Variants in ZNF827 observed in about 807,000 individuals in gnomAD.
ZNF827 encodes zinc finger protein 827.
A neutral mutation model predicts 102.4 loss-of-function variants in ZNF827; 13 were observed. The ratio of observed to expected loss-of-function variants is 0.13; its 90% CI spans 0.08 to 0.20. The LOEUF (loss-of-function observed/expected upper bound fraction) is 0.20, where lower values mean the gene tolerates loss of function less well. Ranked by LOEUF, ZNF827 falls within the 10% of genes least tolerant of loss-of-function variation. ZNF827 has a pLI of 1.00. For missense variants in ZNF827, 1,103 were observed against 1,344.4 expected (o/e 0.82, Z 2.81); for synonymous variants, 523 against 536.2 (o/e 0.98, Z 0.34).
intron 7 of ZNF827, among the ~76,000 whole-genome samples, chr4:145,827,725 G>A (rs1221599665): frequency 6.6e-6 from 1 of 152,296 alleles, no homozygotes; most frequent in East Asian, 1.9e-4. Context: ...AACTAAACTT[G>A]CAGCATGCCC....
At chr4:145,920,331 C>T (rs574866558) in intron 1 of ZNF827, among the ~76,000 whole-genome samples, 2 of 152,304 alleles carry the variant, frequency 1.3e-5, no homozygotes, top group East Asian at 3.9e-4. Flanking sequence ...GGTCTTGGCA[C>T]AGTTTGAGGA....
intron 1 of ZNF827, among the ~76,000 whole-genome samples, chr4:145,910,484 C>T (rs547874364): frequency 8.5e-5 from 13 of 152,242 alleles, no homozygotes; most frequent in African/African-American, 2.9e-4. Context: ...AATTCATTCT[C>T]GGATTCCGTT....
chr4:145,775,373 A>G (rs1172093052), intron 10 of ZNF827, among the ~76,000 whole-genome samples: 1 of 152,214 alleles, frequency 6.6e-6, no homozygotes, highest in East Asian at 1.9e-4. Context: ...ATGGGGAAAT[A>G]CGTAACGCCT....
intron 11 of ZNF827, 75 bp downstream of exon 11, chr4:145,774,431 T>C: frequency 6.6e-7 from 1 of 1,515,280 alleles, no homozygotes. Context: ...GTGGGGATGC[T>C]TCGGCCAGGT....
intron 4 of ZNF827, among the ~76,000 whole-genome samples, chr4:145,872,020 C>T (rs1375013893): frequency 6.6e-6 from 1 of 152,186 alleles, no homozygotes; most frequent in African/African-American, 2.4e-5. Context: ...GGCTCAAATA[C>T]TACCTGCTCA....
At chr4:145,826,931 G>C (rs1195535399) in intron 7 of ZNF827, among the ~76,000 whole-genome samples, 1 of 152,114 alleles carries the variant, frequency 6.6e-6, no homozygotes, top group African/African-American at 2.4e-5. Flanking sequence ...ATTCTTAGTA[G>C]AGATGGGATT....
Position 145,902,950 on chromosome 4 carries a change from C to T in ZNF827, c.309G>A (p.Pro103=), listed in dbSNP as rs141684162. 100 of 1,614,050 alleles carry T rather than the reference C, an allele frequency of 6.2e-5. No individual in the cohort carries two copies. Among genetic ancestry groups the T allele is most frequent in the South Asian group, 3.6e-4 (33 of 91,078 alleles). ...DSLQCQDHLS[P]GVSSLCDDDP... ...CATCGTCACACAAAGAAGACACTCC[C>T]GGGGAAAGGTGATCTTGACACTGCA... The change falls in exon 2 of 15, where the codon CCG becomes CCA. Residue 103 remains proline (P), a synonymous_variant. Coordinates refer to ENST00000508784, the MANE Select transcript of ZNF827 (RefSeq NM_001306215.2). This position sits in a 1 kb window ranked among gnomAD's most constrained non-coding sequence, Gnocchi z 4.3.
rs1752496146 is a variant in ZNF827 at position 145,914,088 on chromosome 4, C to CACAT, written c.44-10874_44-10873insATGT. 2.0e-5 allele frequency among the ~76,000 whole-genome samples: 3 copies of CACAT among 151,880 alleles called. No homozygotes were observed. In the South Asian group the frequency reaches 6.2e-4, roughly 32 times the overall value. Reference sequence around the variant, plus strand: ...ACACACACACACACACACACACACACACCAAGAGCATTGGCATGATGTACC... The same window carrying CACAT: ...ACACACACACACACACACACACACACACATACCAAGAGCATTGGCATGATGTACC... On this transcript the variant is annotated intron_variant, in intron 1 of 14. Transcript: ENST00000508784.
chr4:145,922,841 G>A (rs562317856), intron 1 of ZNF827, among the ~76,000 whole-genome samples: 28 of 152,132 alleles, frequency 1.8e-4, no homozygotes, highest in African/African-American at 6.5e-4. Context: ...AGGAAAAACT[G>A]ACAGTGTTTG....
intron 2 of ZNF827, among the ~76,000 whole-genome samples, chr4:145,898,132 G>A (rs1043787443): frequency 7.9e-5 from 12 of 152,182 alleles, no homozygotes; most frequent in African/African-American, 2.9e-4. Flanking sequence ...TCTAGCCTGG[G>A]CTATAGAGCC....
Position 145,879,437 on chromosome 4 carries a change from C to T in ZNF827, c.1747+6241G>A, listed in dbSNP as rs115847050. Reference sequence around the variant, plus strand: ...AGAACGGACTTCAAGGAGAATGACACTTCCCTTTGTTTTTACAGATACAAT... The same window carrying T: ...AGAACGGACTTCAAGGAGAATGACATTTCCCTTTGTTTTTACAGATACAAT... On this transcript the variant is annotated intron_variant, in intron 4 of 14. Transcript: ENST00000508784. Among the ~76,000 whole-genome samples, 1,174 of 152,256 alleles carry T rather than the reference C, an allele frequency of 7.7e-3. 14 individuals carry two copies. The highest frequency in any genetic ancestry group is 0.026 in the African/African-American group (1,076 of 41,544).
In ZNF827 at chr4:145,826,870, C is replaced by T. The variant is rs549411350; in HGVS notation, c.2280-3345G>A. Among the ~76,000 whole-genome samples the T allele has an allele frequency of 7.2e-5, 11 of 152,298 alleles. No individual in the cohort carries two copies. In the East Asian group the frequency reaches 2.1e-3, roughly 29 times the overall value. On this transcript the variant is annotated intron_variant, in intron 7 of 14. Transcript: ENST00000508784. ...CAAGCAATTCTCCAGCCTCAGCCTC[C>T]CAAGTAGCTGGGATTACAGGCGTGT...
chr4:145,868,359 T>C (rs1319156146), intron 5 of ZNF827, among the ~76,000 whole-genome samples: 1 of 41,668 alleles, frequency 2.4e-5, no homozygotes, highest in South Asian at 7.2e-4. Flanking sequence ...GATTTGAGGA[T>C]TTTTTTTCAG....
intron 9 of ZNF827, among the ~76,000 whole-genome samples, chr4:145,777,044 T>C (rs1176996377): frequency 1.3e-5 from 2 of 152,208 alleles, no homozygotes; most frequent in African/African-American, 4.8e-5. Context: ...TTACTTGGTA[T>C]TACTGTGCCT....
At chr4:145,812,497 A>ATATTTATTTATT (rs71592421) in intron 8 of ZNF827, among the ~76,000 whole-genome samples, 111 of 143,902 alleles carry the variant, frequency 7.7e-4, no homozygotes, top group African/African-American at 2.3e-3. Flanking sequence ...AAACCATTTT[A>ATATTTATTTATT]TATTTATTTA....
intron 7 of ZNF827, among the ~76,000 whole-genome samples, chr4:145,824,734 C>T (rs945954164): frequency 6.6e-6 from 1 of 152,188 alleles, no homozygotes; most frequent in Non-Finnish European, 1.5e-5. Context: ...CACCACTCCC[C>T]TGGGCAAAAC....
chr4:145,866,220 G>C (rs1359762663), intron 5 of ZNF827, among the ~76,000 whole-genome samples: 1 of 152,122 alleles, frequency 6.6e-6, no homozygotes, highest in Non-Finnish European at 1.5e-5. Context: ...ATCTGAAAAG[G>C]GTTTCTGTTA....
intron 8 of ZNF827, among the ~76,000 whole-genome samples, chr4:145,797,642 AATG>A (rs1740506116): frequency 6.6e-6 from 1 of 152,216 alleles, no homozygotes; most frequent in Non-Finnish European, 1.5e-5. Context: ...TTAAAAAGAA[AATG>A]ATGATATGAG....
At chr4:145,771,454 A>G (rs1166299035) in intron 11 of ZNF827, among the ~76,000 whole-genome samples, 3 of 152,184 alleles carry the variant, frequency 2.0e-5, no homozygotes. Flanking sequence ...TGATAGTTGT[A>G]TTTTCCAAAT....
Sources: allele counts gnomAD v4.1 joint callset (sites outside exome capture counted in the v4.1 genomes callset), GRCh38; gene constraint gnomAD v4.1.1; non-coding constraint Gnocchi (gnomAD v3.1); transcripts MANE v1.5; gene names NCBI Gene and HGNC (gene_info 2026-07-23, HGNC 2026-07-21).